GRIK4: variants seen among roughly 807,000 people sequenced by gnomAD.
GRIK4 encodes glutamate receptor ionotropic, kainate 4.
Under a neutral mutation model 104.9 loss-of-function variants are expected in GRIK4, and 40 were observed. That is an observed-to-expected ratio of 0.38 (90% CI 0.30 to 0.50). The LOEUF (loss-of-function observed/expected upper bound fraction) is 0.50, where lower values mean the gene tolerates loss of function less well. GRIK4 is among the 20% of genes least tolerant of loss of function. The pLI is 0.93. For synonymous variants in GRIK4, 485 were observed against 524.9 expected (o/e 0.92, Z 1.04); for missense variants, 1,047 against 1,308.1 (o/e 0.80, Z 3.08).
intron 1 of GRIK4, 85 bp from the exon 2 acceptor site, chr11:120,653,600 A>G (rs555299165): frequency 3.3e-5 from 5 of 152,346 alleles, no homozygotes; most frequent in African/African-American, 1.2e-4. Context: ...CTTCAGTGAC[A>G]CCAAATACCA....
chr11:120,523,862 GATC>G (rs1165976231), intron 1 of GRIK4, among the ~76,000 whole-genome samples: 1 of 151,406 alleles, frequency 6.6e-6, no homozygotes, highest in Non-Finnish European at 1.5e-5. Context: ...GGTCATCAGA[GATC>G]ATCATCTGTC....
intron 1 of GRIK4, among the ~76,000 whole-genome samples, chr11:120,553,987 TG>T (rs1364107887): frequency 6.6e-6 from 1 of 152,140 alleles, no homozygotes; most frequent in African/African-American, 2.4e-5. Flanking sequence ...GAAGCCACTT[TG>T]GAGGCTGGTG....
At chr11:120,921,017 A>G (rs987156086) in intron 13 of GRIK4, among the ~76,000 whole-genome samples, 8 of 151,794 alleles carry the variant, frequency 5.3e-5, no homozygotes, top group African/African-American at 1.9e-4. Flanking sequence ...TCTTTCAAAA[A>G]CCTGTCTCCC....
intron 1 of GRIK4, among the ~76,000 whole-genome samples, chr11:120,615,524 G>A (rs550597666): frequency 6.6e-6 from 1 of 152,292 alleles, no homozygotes; most frequent in Non-Finnish European, 1.5e-5. Context: ...TGTCTGCCTG[G>A]CAGGGCCTGG....
chr11:120,514,650 G>T lies in GRIK4; in HGVS notation c.-159+2763G>T, dbSNP rs367627464. Among the ~76,000 whole-genome samples the T allele has an allele frequency of 2.6e-5, 4 of 152,138 alleles. No homozygotes were observed. In the South Asian group the frequency reaches 8.3e-4, roughly 32 times the overall value. On this transcript the variant is annotated intron_variant, in intron 1 of 20. Transcript: ENST00000527524. ...TCCTCAGCCTTAGACTGGCTGCCTGGGTGTCCCGCCACTCCCTAGACCCAA... is the reference window on the plus strand; with the variant it reads ...TCCTCAGCCTTAGACTGGCTGCCTGTGTGTCCCGCCACTCCCTAGACCCAA...
chr11:120,633,246 A>G (rs909890579), intron 1 of GRIK4, among the ~76,000 whole-genome samples: 2 of 152,154 alleles, frequency 1.3e-5, no homozygotes, highest in African/African-American at 4.8e-5. Flanking sequence ...GGGCATATTT[A>G]AAGTACTTAA....
intron 3 of GRIK4, among the ~76,000 whole-genome samples, chr11:120,765,121 A>G (rs1235005311): frequency 6.6e-6 from 1 of 152,000 alleles, no homozygotes; most frequent in African/African-American, 2.4e-5. Context: ...GTCTTTTCTT[A>G]TAGTCCCATA....
At chr11:120,515,111 A>T (rs1947710031) in intron 1 of GRIK4, 1 of 450,744 alleles carries the variant, frequency 2.2e-6, no homozygotes, top group Non-Finnish European at 4.5e-6. Flanking sequence ...GGTGTCTGGC[A>T]TGATCTTGTC....
At chr11:120,699,124 C>T (rs1950506927) in intron 3 of GRIK4, among the ~76,000 whole-genome samples, 1 of 152,214 alleles carries the variant, frequency 6.6e-6, no homozygotes, top group South Asian at 2.1e-4. Context: ...ATAGGGCCAG[C>T]TGCTTCAGTT....
chr11:120,928,261 C>T (rs534102425), intron 13 of GRIK4, among the ~76,000 whole-genome samples: 215 of 150,178 alleles, frequency 1.4e-3, no homozygotes, highest in Non-Finnish European at 2.3e-3. Context: ...AAAATGGCAT[C>T]GTCTGCTTTA....
At chr11:120,835,928 C>T (rs763189881) in intron 7 of GRIK4, among the ~76,000 whole-genome samples, 41 of 152,168 alleles carry the variant, frequency 2.7e-4, no homozygotes, top group Non-Finnish European at 4.0e-4. Context: ...CACACTGATG[C>T]GCTGTGATCA....
At chr11:120,563,788 C>T (rs367923832) in intron 1 of GRIK4, among the ~76,000 whole-genome samples, 1 of 152,220 alleles carries the variant, frequency 6.6e-6, no homozygotes, top group South Asian at 2.1e-4. Context: ...ACCTCCTGAG[C>T]TACCCAGGGC....
intron 8 of GRIK4, among the ~76,000 whole-genome samples, chr11:120,845,352 A>C (rs997870071): frequency 1.3e-5 from 2 of 152,224 alleles, no homozygotes; most frequent in African/African-American, 4.8e-5. Context: ...TGCTTATCTC[A>C]TAACATTATT....
intron 13 of GRIK4, among the ~76,000 whole-genome samples, chr11:120,914,531 G>A (rs1046375300): frequency 3.3e-5 from 5 of 152,148 alleles, no homozygotes; most frequent in Admixed American, 6.5e-5. Flanking sequence ...AGAGCACTGA[G>A]GATCAAGAAG....
chr11:120,529,626 T>C (rs1444471607), intron 1 of GRIK4, among the ~76,000 whole-genome samples: 1 of 152,248 alleles, frequency 6.6e-6, no homozygotes, highest in African/African-American at 2.4e-5. Context: ...GTGCTGTCTG[T>C]CACTTATCCT....
chr11:120,980,608 A>T (rs1466258193), intron 19 of GRIK4, among the ~76,000 whole-genome samples: 2 of 152,176 alleles, frequency 1.3e-5, no homozygotes, highest in African/African-American at 4.8e-5. Flanking sequence ...AGGTGTTTTA[A>T]GGGCTTTTTG....
chr11:120,935,197 G>A (rs1322112521), intron 13 of GRIK4, among the ~76,000 whole-genome samples: 1 of 152,180 alleles, frequency 6.6e-6, no homozygotes, highest in Non-Finnish European at 1.5e-5. Context: ...TCATTTTACA[G>A]TTGAGGACAC....
intron 1 of GRIK4, among the ~76,000 whole-genome samples, chr11:120,539,705 A>G (rs150872525): frequency 6.6e-6 from 1 of 152,360 alleles, no homozygotes; most frequent in African/African-American, 2.4e-5. Flanking sequence ...AGCATCTCCC[A>G]GCTGAACAGA....
At chr11:120,650,936 A>G (rs1222987507) in intron 1 of GRIK4, among the ~76,000 whole-genome samples, 1 of 152,194 alleles carries the variant, frequency 6.6e-6, no homozygotes, top group African/African-American at 2.4e-5. Flanking sequence ...TTCCCACCTT[A>G]CAGCAGAGGA....
Sources: allele counts gnomAD v4.1 joint callset (sites outside exome capture counted in the v4.1 genomes callset), GRCh38; gene constraint gnomAD v4.1.1; transcripts MANE v1.5; gene names NCBI Gene and HGNC (gene_info 2026-07-23, HGNC 2026-07-21).